PTPRQ: variants seen among roughly 807,000 people sequenced by gnomAD.
The protein encoded by PTPRQ is phosphatidylinositol phosphatase PTPRQ.
In PTPRQ, 199 loss-of-function variants were observed where a neutral mutation model predicts 246.0. The observed-to-expected ratio is 0.81, with a 90% confidence interval of 0.72 to 0.91. PTPRQ has a LOEUF of 0.91. Ranked by LOEUF, PTPRQ falls within the 40% of genes least tolerant of loss-of-function variation. The probability of loss-of-function intolerance (pLI) is 0.00; values close to 1 mark genes in which losing one functional copy is unlikely to be tolerated. For synonymous variants in PTPRQ, 869 were observed against 853.2 expected, an observed-to-expected ratio of 1.02 and a Z score of -0.32; for missense variants, 2,624 against 2,528.4, an observed-to-expected ratio of 1.04 and a Z score of -0.81.
chr12:80,537,526 T>C (rs2120821471), intron 19 of PTPRQ, among the ~76,000 whole-genome samples: 1 of 152,338 alleles, frequency 6.6e-6, no homozygotes, highest in South Asian at 2.1e-4. Flanking sequence ...AGACATAGGT[T>C]TAATGCTCAA....
At chr12:80,552,452 T>C (rs560786577) in intron 25 of PTPRQ, among the ~76,000 whole-genome samples, 2 of 151,450 alleles carry the variant, frequency 1.3e-5, no homozygotes, top group South Asian at 4.2e-4. Flanking sequence ...AGATACTAGG[T>C]TGGTGCAAAA....
Position 80,510,394 on chromosome 12 carries a change from C to A in PTPRQ, c.2629C>A (p.Pro877Thr). The change falls in exon 17 of 45, where the codon CCA (proline) becomes ACA (threonine). Residue 877 changes from proline to threonine, a missense_variant. Pro to Thr is a conservative substitution (Grantham distance 38). Transcript: ENST00000644991. Reference protein sequence around the residue: ...SGVTVKLSWQPPLEPNGIILY... With the variant: ...SGVTVKLSWQTPLEPNGIILY... ...TGTCACGGTGAAGTTGTCATGGCAA[C>A]CACCCCTGGAGCCAAATGGAATTAT... The A allele has an allele frequency of 6.4e-7, 1 of 1,550,416 alleles. No individual in the cohort carries two copies. Among genetic ancestry groups the A allele is most frequent in the Non-Finnish European group, 8.7e-7 (1 of 1,146,142 alleles).
chr12:80,653,307 A>G (rs1465762734), intron 38 of PTPRQ, among the ~76,000 whole-genome samples: 1 of 152,222 alleles, frequency 6.6e-6, no homozygotes, highest in Non-Finnish European at 1.5e-5. Context: ...TATGAGGCAG[A>G]ATGAGCTTCA....
intron 8 of PTPRQ, among the ~76,000 whole-genome samples, chr12:80,472,931 C>A (rs949280985): frequency 5.9e-5 from 9 of 151,908 alleles, no homozygotes; most frequent in African/African-American, 2.2e-4. Flanking sequence ...ACAGTAAATT[C>A]TTATAACACA....
At chr12:80,655,049 T>A (rs992461166) in intron 38 of PTPRQ, among the ~76,000 whole-genome samples, 13 of 152,188 alleles carry the variant, frequency 8.5e-5, no homozygotes, top group Non-Finnish European at 1.9e-4. Flanking sequence ...CTGGGTTCCC[T>A]TTAAGACTGT....
At chr12:80,627,979 T>C (rs1009596176) in intron 33 of PTPRQ, among the ~76,000 whole-genome samples, 1 of 152,100 alleles carries the variant, frequency 6.6e-6, no homozygotes, top group Non-Finnish European at 1.5e-5. Flanking sequence ...TTATATGTCA[T>C]TTCCTCATTT....
intron 37 of PTPRQ, among the ~76,000 whole-genome samples, chr12:80,651,200 C>A (rs949053557): frequency 5.3e-5 from 8 of 152,016 alleles, no homozygotes; most frequent in Admixed American, 3.9e-4. Flanking sequence ...TGAATATAAG[C>A]AATACTAAGA....
intron 14 of PTPRQ, among the ~76,000 whole-genome samples, chr12:80,504,764 T>G (rs1314854261): frequency 6.6e-6 from 1 of 151,922 alleles, no homozygotes; most frequent in Non-Finnish European, 1.5e-5. Context: ...ATAGATATCA[T>G]GGATTTAGTC....
chr12:80,670,304 TA>T (rs1003050097), intron 41 of PTPRQ, 39 bp from the exon 42 acceptor site: 1 of 1,542,604 alleles, frequency 6.5e-7, no homozygotes, highest in African/African-American at 1.4e-5. Context: ...TTGTGGAACT[TA>T]AATAATTTTG....
At chr12:80,552,645 T>TATATATA (rs1486986901) in intron 25 of PTPRQ, among the ~76,000 whole-genome samples, 9 of 76,472 alleles carry the variant, frequency 1.2e-4, no homozygotes, top group Non-Finnish European at 1.4e-4. Context: ...AAAAAAAAAA[T>TATATATA]TATATATATA....
At chr12:80,524,284 A>G (rs989471642) in intron 17 of PTPRQ, among the ~76,000 whole-genome samples, 1 of 152,072 alleles carries the variant, frequency 6.6e-6, no homozygotes, top group African/African-American at 2.4e-5. Context: ...GGTTTCCTGA[A>G]TACAGAACAC....
intron 35 of PTPRQ, among the ~76,000 whole-genome samples, chr12:80,643,476 T>C (rs1899964431): frequency 6.6e-6 from 1 of 151,960 alleles, no homozygotes; most frequent in East Asian, 1.9e-4. Context: ...TACTCACTTA[T>C]GGTATATTTC....
chr12:80,636,524 T>C (rs1178360486), intron 35 of PTPRQ, among the ~76,000 whole-genome samples: 6 of 152,174 alleles, frequency 3.9e-5, no homozygotes, highest in Admixed American at 1.3e-4. Context: ...CCATCGTCAG[T>C]TCCTTTTGCC....
In PTPRQ at chr12:80,496,326, C is replaced by G. The variant is rs560612932; in HGVS notation, c.2067C>G (p.Pro689=). The change falls in exon 14 of 45, where the codon CCC becomes CCG. Residue 689 remains proline (P), a synonymous_variant. Coordinates refer to ENST00000644991, the MANE Select transcript of PTPRQ (RefSeq NM_001145026.2). ...ADEIRLKWSP[P]EKPNGIIIAY... ...AAATAAGGTTGAAGTGGTCACCACC[C>G]GAAAAGCCCAATGGGATCATTATTG... 1 of 1,550,486 alleles carries G rather than the reference C, an allele frequency of 6.4e-7. No homozygotes were observed. The highest frequency in any genetic ancestry group is 8.7e-7 in the Non-Finnish European group (1 of 1,146,406).
chr12:80,644,127 A>G (rs1214621321), intron 35 of PTPRQ, among the ~76,000 whole-genome samples: 1 of 152,146 alleles, frequency 6.6e-6, no homozygotes, highest in African/African-American at 2.4e-5. Context: ...TCTCTGTGAC[A>G]ATATGGTCTT....
intron 6 of PTPRQ, among the ~76,000 whole-genome samples, chr12:80,467,436 G>A (rs1467584473): frequency 6.6e-6 from 1 of 152,026 alleles, no homozygotes; most frequent in East Asian, 1.9e-4. Flanking sequence ...AACCATTGTG[G>A]AAGTCAGTGT....
chr12:80,503,489 C>T (rs1592590740), intron 14 of PTPRQ, among the ~76,000 whole-genome samples: 1 of 151,782 alleles, frequency 6.6e-6, no homozygotes, highest in Non-Finnish European at 1.5e-5. Context: ...ACTGTATCTA[C>T]ATTTTTAAGG....
chr12:80,642,062 G>A (rs1051337130), intron 35 of PTPRQ, among the ~76,000 whole-genome samples: 4 of 151,616 alleles, frequency 2.6e-5, no homozygotes, highest in African/African-American at 9.7e-5. Context: ...CTAGTACCCT[G>A]CTCAATCAGA....
Position 80,635,067 on chromosome 12 carries a change from T to A in PTPRQ, c.5909T>A (p.Leu1970Ter). 1.3e-6 allele frequency: 2 copies of A among 1,550,826 alleles called. No individual in the cohort carries two copies. Among genetic ancestry groups the A allele is most frequent in the African/African-American group, 1.4e-5 (1 of 73,118 alleles). Residue 1970 changes from leucine (L) to a stop codon, truncating the protein, a stop_gained, in exon 35 of 45, where the codon TTA becomes TAA. Transcript: ENST00000644991. LOFTEE classifies it high-confidence loss of function. Reference sequence around the variant, plus strand: ...GACCTGGAACTGAAGGACGAGAGATTAACGCGGTGAGCACACTCCTCTGGG... The same window carrying A: ...GACCTGGAACTGAAGGACGAGAGATAAACGCGGTGAGCACACTCCTCTGGG... ...VADLELKDER[L>*]TRLLSYRKSI...
Sources: allele counts gnomAD v4.1 joint callset (sites outside exome capture counted in the v4.1 genomes callset), GRCh38; gene constraint gnomAD v4.1.1; transcripts MANE v1.5; gene names NCBI Gene and HGNC (gene_info 2026-07-23, HGNC 2026-07-21).